The following ERBB4 variants were observed in gnomAD, a reference collection of about 807,000 sequenced individuals.
The protein encoded by ERBB4 is receptor tyrosine-protein kinase erbB-4.
A neutral mutation model predicts 158.0 loss-of-function variants in ERBB4; 42 were observed. The ratio of observed to expected loss-of-function variants is 0.27; its 90% CI spans 0.21 to 0.34. The LOEUF is 0.34. ERBB4 is among the 10% of genes least tolerant of loss of function. The pLI is 1.00. For missense variants in ERBB4, 1,333 were observed against 1,624.1 expected, an observed-to-expected ratio of 0.82 and a Z score of 3.08; for synonymous variants, 583 against 558.7, an observed-to-expected ratio of 1.04 and a Z score of -0.61.
rs537571953 is a variant in ERBB4 at position 212,395,456 on chromosome 2, A to G, written c.82+142993T>C. Among the ~76,000 whole-genome samples the G allele has an allele frequency of 4.6e-5, 7 of 152,144 alleles. No individual in the cohort carries two copies. The South Asian group carries it at 1.5e-3, about 32-fold the overall frequency. ...TGTCACGTAAAGGATACTGATACTG[A>G]ATCATGATGATGAATTCACCTGTTG... On this transcript the variant is annotated intron_variant, in intron 1 of 27. Transcript: ENST00000342788.
intron 25 of ERBB4, among the ~76,000 whole-genome samples, chr2:211,410,977 C>T (rs879876994): frequency 3.3e-5 from 5 of 152,158 alleles, no homozygotes; most frequent in Non-Finnish European, 5.9e-5. Context: ...GGCGTGATCT[C>T]GGCTCACTGC....
At chr2:212,107,028 T>C (rs1189847481) in intron 2 of ERBB4, among the ~76,000 whole-genome samples, 2 of 152,230 alleles carry the variant, frequency 1.3e-5, no homozygotes, top group Non-Finnish European at 2.9e-5. Context: ...GCTAGGGAAG[T>C]GCTGAAGGGA....
At chr2:211,561,017 T>C (rs1330758862) in intron 20 of ERBB4, among the ~76,000 whole-genome samples, 1 of 152,238 alleles carries the variant, frequency 6.6e-6, no homozygotes, top group East Asian at 1.9e-4. Context: ...TATTTTGATG[T>C]AACTAAGAGT....
intron 1 of ERBB4, among the ~76,000 whole-genome samples, chr2:212,166,576 G>GAAA (rs35242218): frequency 0.43 from 61,285 of 143,714 alleles, 14,848 homozygotes; most frequent in Non-Finnish European, 0.57. Flanking sequence ...CACAGAATTA[G>GAAA]AAAAAAAAAA....
intron 1 of ERBB4, among the ~76,000 whole-genome samples, chr2:212,169,056 G>A (rs2081432400): frequency 6.6e-6 from 1 of 152,124 alleles, no homozygotes; most frequent in African/African-American, 2.4e-5. Context: ...ATAAGGTATA[G>A]TCATTTATAC....
chr2:212,160,567 T>C (rs2081172867), intron 1 of ERBB4, among the ~76,000 whole-genome samples: 1 of 152,018 alleles, frequency 6.6e-6, no homozygotes, highest in African/African-American at 2.4e-5. Context: ...ATTGTCTCTA[T>C]GCCCACATTT....
chr2:212,162,555 T>C (rs969836098), intron 1 of ERBB4, among the ~76,000 whole-genome samples: 2 of 151,916 alleles, frequency 1.3e-5, no homozygotes, highest in African/African-American at 2.4e-5. Flanking sequence ...CAATAAATTG[T>C]ATATAAATTT....
At chr2:211,669,197 T>C (rs1347722906) in intron 14 of ERBB4, among the ~76,000 whole-genome samples, 1 of 119,942 alleles carries the variant, frequency 8.3e-6, no homozygotes, top group Non-Finnish European at 1.6e-5. Context: ...CACTACAGTC[T>C]GGGCGACAGA....
chr2:212,099,002 T>C (rs1431628535), intron 2 of ERBB4, among the ~76,000 whole-genome samples: 1 of 151,942 alleles, frequency 6.6e-6, no homozygotes, highest in East Asian at 1.9e-4. Context: ...TACTGCTGGC[T>C]GGGCACTGTG....
intron 1 of ERBB4, among the ~76,000 whole-genome samples, chr2:212,446,021 A>T (rs1410276300): frequency 6.6e-6 from 1 of 152,210 alleles, no homozygotes; most frequent in Non-Finnish European, 1.5e-5. Flanking sequence ...ACTTCGTATC[A>T]GCATTTAAGT....
chr2:212,219,306 G>T (rs1032317972), intron 1 of ERBB4, among the ~76,000 whole-genome samples: 3 of 151,396 alleles, frequency 2.0e-5, no homozygotes, highest in African/African-American at 7.3e-5. Context: ...GGTGAAGTTT[G>T]TATAATGTCT....
At chr2:212,054,369 G>C (rs1053689978) in intron 2 of ERBB4, among the ~76,000 whole-genome samples, 2 of 152,020 alleles carry the variant, frequency 1.3e-5, no homozygotes, top group African/African-American at 2.4e-5. Flanking sequence ...AAAAAGAAGA[G>C]GTCTGGGACC....
intron 1 of ERBB4, among the ~76,000 whole-genome samples, chr2:212,458,284 G>A (rs1251939551): frequency 6.6e-6 from 1 of 151,892 alleles, no homozygotes. Context: ...TTTTTTTTAG[G>A]GGGTAGGGAA....
intron 2 of ERBB4, among the ~76,000 whole-genome samples, chr2:211,948,787 C>A (rs116834323): frequency 0.017 from 2,574 of 152,204 alleles, 80 homozygotes; most frequent in African/African-American, 0.059. Flanking sequence ...CTTCCCCCCA[C>A]CCTGTCTATT....
chr2:211,881,726 C>G (rs916122843), intron 3 of ERBB4, among the ~76,000 whole-genome samples: 15 of 152,206 alleles, frequency 9.9e-5, no homozygotes, highest in Non-Finnish European at 2.2e-4. Context: ...CATTTCACCA[C>G]GAAATCAGCA....
chr2:211,482,589 A>G (rs1271603525), intron 20 of ERBB4, among the ~76,000 whole-genome samples: 5 of 152,154 alleles, frequency 3.3e-5, no homozygotes, highest in Admixed American at 6.5e-5. Context: ...GCAGAAAAAT[A>G]AAAGCAATAC....
At chr2:211,864,490 C>A (rs1419681891) in intron 3 of ERBB4, among the ~76,000 whole-genome samples, 1 of 152,126 alleles carries the variant, frequency 6.6e-6, no homozygotes, top group East Asian at 1.9e-4. Flanking sequence ...ACTGCCCCAG[C>A]AAAATGATAC....
intron 20 of ERBB4, among the ~76,000 whole-genome samples, chr2:211,514,148 T>A (rs1210712298): frequency 6.6e-6 from 1 of 152,134 alleles, no homozygotes. Flanking sequence ...ACTCTTCCCT[T>A]TCTCTGGTAA....
intron 5 of ERBB4, among the ~76,000 whole-genome samples, chr2:211,731,536 G>C (rs141888250): frequency 2.0e-5 from 3 of 152,214 alleles, no homozygotes; most frequent in Non-Finnish European, 2.9e-5. Flanking sequence ...GGCTTCTTAA[G>C]TGTTTATTTG....
Sources: allele counts gnomAD v4.1 joint callset (sites outside exome capture counted in the v4.1 genomes callset), GRCh38; gene constraint gnomAD v4.1.1; transcripts MANE v1.5; gene names NCBI Gene and HGNC (gene_info 2026-07-23, HGNC 2026-07-21).